Variants in MAD1L1 observed in about 807,000 individuals in gnomAD.
The protein encoded by MAD1L1 is mitotic arrest deficient 1 like 1, also known as mitotic spindle assembly checkpoint protein MAD1.
A neutral mutation model predicts 96.9 loss-of-function variants in MAD1L1; 95 were observed. The observed-to-expected ratio is 0.98, with a 90% CI of 0.83 to 1.16. The LOEUF is 1.16. Ranked by LOEUF, MAD1L1 falls within the 50% of genes most tolerant of loss-of-function variation. The pLI is 0.00. For synonymous variants in MAD1L1, 473 were observed against 396.6 expected (o/e 1.19, Z -2.29); for missense variants, 1,007 against 954.4 (o/e 1.06, Z -0.73).
chr7:2,143,139 T>A (rs1296620419), intron 11 of MAD1L1, among the ~76,000 whole-genome samples: 1 of 151,730 alleles, frequency 6.6e-6, no homozygotes, highest in African/African-American at 2.4e-5. Flanking sequence ...GTCCACAGGC[T>A]CCATAGAGGC....
chr7:2,095,385 A>AAAAAG (rs144655754), intron 11 of MAD1L1, among the ~76,000 whole-genome samples: 2 of 152,228 alleles, frequency 1.3e-5, no homozygotes, highest in African/African-American at 2.4e-5. Context: ...GGAAAGATAA[A>AAAAAG]AAAAGAAAAG....
chr7:2,023,841 T>C (rs6973622), intron 12 of MAD1L1, among the ~76,000 whole-genome samples: 107,513 of 151,784 alleles, frequency 0.71, 38,560 homozygotes, highest in African/African-American at 0.81. Context: ...CCCAGCTACT[T>C]GGAAGACCGA....
At chr7:2,132,052 C>G (rs1788534898) in intron 11 of MAD1L1, among the ~76,000 whole-genome samples, 1 of 152,206 alleles carries the variant, frequency 6.6e-6, no homozygotes, top group South Asian at 2.1e-4. Flanking sequence ...GTCAGTGAGG[C>G]TGACTCAGGA....
intron 17 of MAD1L1, among the ~76,000 whole-genome samples, chr7:1,920,183 T>C (rs765375755): frequency 4.6e-5 from 7 of 152,222 alleles, no homozygotes; most frequent in Non-Finnish European, 7.3e-5. Context: ...CCTGCAGCTC[T>C]CGGGACTTGC....
chr7:2,032,952 C>T (rs1372915630), intron 12 of MAD1L1, among the ~76,000 whole-genome samples: 3 of 152,364 alleles, frequency 2.0e-5, no homozygotes, highest in Admixed American at 6.5e-5. Flanking sequence ...CGCAGAAGGA[C>T]GTGGAGAGGG....
At chr7:2,060,376 T>C (rs1023314179) in intron 12 of MAD1L1, among the ~76,000 whole-genome samples, 6 of 150,594 alleles carry the variant, frequency 4.0e-5, no homozygotes, top group Non-Finnish European at 8.8e-5. Context: ...GATACACCGA[T>C]GCCGAGATGT....
At chr7:2,135,143 C>A (rs907231589) in intron 11 of MAD1L1, among the ~76,000 whole-genome samples, 1 of 152,246 alleles carries the variant, frequency 6.6e-6, no homozygotes, top group East Asian at 1.9e-4. Flanking sequence ...GGTGAGCGCA[C>A]CTGCCTTCAG....
At chr7:1,882,691 G>A (rs570273707) in intron 18 of MAD1L1, among the ~76,000 whole-genome samples, 2 of 152,356 alleles carry the variant, frequency 1.3e-5, no homozygotes, top group African/African-American at 4.8e-5. Flanking sequence ...GCTGCTGGGT[G>A]GGCATGACAT....
intron 12 of MAD1L1, among the ~76,000 whole-genome samples, chr7:2,064,908 G>A (rs1784816185): frequency 1.3e-5 from 2 of 152,140 alleles, no homozygotes; most frequent in Admixed American, 6.5e-5. Context: ...CTGCTCATGG[G>A]AGGACAGAGG....
At chr7:1,822,448 T>G in intron 18 of MAD1L1, among the ~76,000 whole-genome samples, 1 of 104,956 alleles carries the variant, frequency 9.5e-6, no homozygotes, top group East Asian at 2.6e-4. Context: ...ATATATTTTT[T>G]TTTTTTTTTT....
In MAD1L1 at chr7:1,842,882, C is replaced by A. The variant is rs565286233; in HGVS notation, c.1999-26654G>T. Among the ~76,000 whole-genome samples the A allele has an allele frequency of 3.8e-4, 58 of 152,378 alleles. 1 individual carries two copies. Among genetic ancestry groups the A allele is most frequent in the Admixed American group, 2.9e-3 (44 of 15,310 alleles). ...GTGGCTCAGCACACGGGCTGCCTTG[C>A]GGCTGGTTCCCGGATGGGGAGGGTA... On this transcript the variant is annotated intron_variant, in intron 18 of 18. Coordinates refer to ENST00000265854, the MANE Select transcript of MAD1L1 (RefSeq NM_001013836.2).
At position 1,975,983 on chromosome 7, in the gene MAD1L1, C is replaced by T. The variant is rs1039826192; in HGVS notation, c.1505+4470G>A. ...AGCTGCTATTTGACAGCAGAGAGGACGGGCTCAGATTTGTTCTGGCTGAAA... is the reference window on the plus strand; with the variant it reads ...AGCTGCTATTTGACAGCAGAGAGGATGGGCTCAGATTTGTTCTGGCTGAAA... On this transcript the variant is annotated intron_variant, in intron 15 of 18. Transcript: ENST00000265854. Among the ~76,000 whole-genome samples, 14 of 152,320 alleles carry T rather than the reference C, an allele frequency of 9.2e-5. 1 individual carries two copies. In the South Asian group the frequency reaches 2.1e-3, roughly 23 times the overall value.
At chr7:1,910,159 G>A (rs989330490) in intron 17 of MAD1L1, among the ~76,000 whole-genome samples, 1 of 152,144 alleles carries the variant, frequency 6.6e-6, no homozygotes, top group African/African-American at 2.4e-5. Context: ...GAACACAGCA[G>A]CTGAACCCCA....
rs370044714 is a variant in MAD1L1, at chr7:1,881,927, G to A, written c.1998+16273C>T. Among the ~76,000 whole-genome samples the A allele has an allele frequency of 1.1e-3, 173 of 152,368 alleles. 1 individual carries two copies. The highest frequency in any genetic ancestry group is 4.1e-3 in the African/African-American group (170 of 41,578). On this transcript the variant is annotated intron_variant, in intron 18 of 18. Transcript: ENST00000265854. ...CTGTGATTTTGGTCAGCAGTCCTGTGTGGCTGGTGCCACGGTAGAAGGGTG... is the reference window on the plus strand; with the variant it reads ...CTGTGATTTTGGTCAGCAGTCCTGTATGGCTGGTGCCACGGTAGAAGGGTG...
chr7:2,080,459 G>A (rs542498169), intron 11 of MAD1L1, among the ~76,000 whole-genome samples: 5 of 152,236 alleles, frequency 3.3e-5, no homozygotes, highest in South Asian at 2.1e-4. Context: ...TCCCCGCCTC[G>A]GCCACTGCAG....
At chr7:1,891,883 T>C (rs1476715265) in intron 18 of MAD1L1, among the ~76,000 whole-genome samples, 1 of 152,208 alleles carries the variant, frequency 6.6e-6, no homozygotes, top group African/African-American at 2.4e-5. Flanking sequence ...GCCCAGCCAT[T>C]CATTTATTAT....
intron 11 of MAD1L1, among the ~76,000 whole-genome samples, chr7:2,083,602 CGTAACAGACTGCAAGAT>C (rs1562670291): frequency 6.6e-6 from 1 of 152,194 alleles, no homozygotes; most frequent in Non-Finnish European, 1.5e-5. Flanking sequence ...AGACTCCAGA[CGTAACAGACTGCAAGAT>C]GTCCCCCGTG....
At chr7:1,987,338 C>T (rs762967693) in intron 14 of MAD1L1, among the ~76,000 whole-genome samples, 11 of 152,200 alleles carry the variant, frequency 7.2e-5, no homozygotes, top group Non-Finnish European at 1.3e-4. Context: ...GACGGGCACA[C>T]GGGTGGGCAG....
chr7:1,936,568 G>T, intron 17 of MAD1L1, 119 bp downstream of exon 17: 3 of 1,068,604 alleles, frequency 2.8e-6, no homozygotes, highest in Non-Finnish European at 4.0e-6. Flanking sequence ...TGCCCACAGG[G>T]GAGGACAAAC....
Sources: allele counts gnomAD v4.1 joint callset (sites outside exome capture counted in the v4.1 genomes callset), GRCh38; gene constraint gnomAD v4.1.1; transcripts MANE v1.5; gene names NCBI Gene and HGNC (gene_info 2026-07-23, HGNC 2026-07-21).